Variants in SASH1 observed in about 807,000 individuals in gnomAD.
SASH1 encodes the protein SAM and SH3 domain-containing protein 1.
A neutral mutation model predicts 125.2 loss-of-function variants in SASH1; 44 were observed. The ratio of observed to expected loss-of-function variants is 0.35; its 90% CI spans 0.28 to 0.45. The LOEUF (loss-of-function observed/expected upper bound fraction) is 0.45, where lower values mean the gene tolerates loss of function less well. Ranked by LOEUF, SASH1 falls within the 20% of genes least tolerant of loss-of-function variation. SASH1 has a pLI of 1.00. For missense variants in SASH1, 1,426 were observed against 1,614.5 expected, an observed-to-expected ratio of 0.88 and a Z score of 2.00; for synonymous variants, 639 against 649.1, an observed-to-expected ratio of 0.98 and a Z score of 0.24.
chr6:148,250,111 C>T, the SASH1 span, among the ~76,000 whole-genome samples: 1 of 152,142 alleles, frequency 6.6e-6, no homozygotes, highest in Non-Finnish European at 1.5e-5. Flanking sequence ...CTTAGCATTG[C>T]CAGTCACTTA....
intron 4 of SASH1, among the ~76,000 whole-genome samples, chr6:148,460,089 C>T (rs950187600): frequency 2.0e-5 from 3 of 152,158 alleles, no homozygotes; most frequent in African/African-American, 7.2e-5. Context: ...TGATTTGCAG[C>T]AGGAAAGATA....
intron 1 of SASH1, among the ~76,000 whole-genome samples, chr6:148,363,399 C>A (rs1410940688): frequency 1.3e-5 from 2 of 151,970 alleles, no homozygotes; most frequent in African/African-American, 4.8e-5. Flanking sequence ...GCCTGGGCCT[C>A]CCAACACTTC....
chr6:148,443,914 C>T (rs1311902341), intron 4 of SASH1, among the ~76,000 whole-genome samples: 2 of 152,200 alleles, frequency 1.3e-5, no homozygotes, highest in Non-Finnish European at 2.9e-5. Flanking sequence ...CCTGGCGAAC[C>T]AGTTGGCTGT....
intron 1 of SASH1, among the ~76,000 whole-genome samples, chr6:148,349,589 G>C (rs187082921): frequency 6.6e-6 from 1 of 152,050 alleles, no homozygotes; most frequent in Non-Finnish European, 1.5e-5. Flanking sequence ...TTTTGTAGGC[G>C]ATGGGGTGGC....
chr6:148,433,604 G>T lies in SASH1; in HGVS notation c.286-6580G>T, dbSNP rs181394534. 6.0e-4 allele frequency among the ~76,000 whole-genome samples: 91 copies of T among 151,796 alleles called. No individual in the cohort carries two copies. In the East Asian group the frequency reaches 0.014, roughly 23 times the overall value. The stretch of plus-strand genomic sequence containing the variant: ...TATTTTCAGTAGAGACAGGGTTTCA[G>T]TATGTTGGCCAGGCTGGTCTTGAAC... On this transcript the variant is annotated intron_variant, in intron 2 of 19. Transcript: ENST00000367467.
intron 2 of SASH1, chr6:148,393,709 G>T (rs933355292): frequency 1.1e-5 from 11 of 985,384 alleles, no homozygotes; most frequent in Non-Finnish European, 1.2e-5. Context: ...GCAGAAGACA[G>T]TCTGGGGGGA....
chr6:148,332,092 C>T (rs1475933202), intron 1 of SASH1, among the ~76,000 whole-genome samples: 1 of 152,128 alleles, frequency 6.6e-6, no homozygotes. Context: ...CTTTAGTTTG[C>T]TCTTAGCTCT....
At chr6:148,417,212 C>T (rs2114928710) in intron 2 of SASH1, among the ~76,000 whole-genome samples, 2 of 152,252 alleles carry the variant, frequency 1.3e-5, no homozygotes, top group South Asian at 4.1e-4. Context: ...AGGGCAGAGA[C>T]TCAGGAAGCT....
At chr6:148,205,265 T>C in the SASH1 span, among the ~76,000 whole-genome samples, 1 of 152,208 alleles carries the variant, frequency 6.6e-6, no homozygotes, top group Non-Finnish European at 1.5e-5. Flanking sequence ...CGACTTGAAA[T>C]GGTTCTTATA....
At chr6:148,337,139 A>G (rs1026463414) in intron 1 of SASH1, among the ~76,000 whole-genome samples, 1 of 151,626 alleles carries the variant, frequency 6.6e-6, no homozygotes, top group Non-Finnish European at 1.5e-5. Flanking sequence ...GCTCACTGCA[A>G]CCTCCGCCTC....
intron 1 of SASH1, among the ~76,000 whole-genome samples, chr6:148,314,125 A>G (rs1273912331): frequency 1.3e-5 from 2 of 152,188 alleles, no homozygotes; most frequent in Admixed American, 6.6e-5. Context: ...CTTACCAGGT[A>G]TTCTAATCAG....
At chr6:148,432,384 A>G (rs2473552) in intron 2 of SASH1, among the ~76,000 whole-genome samples, 66,035 of 152,126 alleles carry the variant, frequency 0.43, 14,568 homozygotes, top group South Asian at 0.66. Flanking sequence ...TAGTTTGCCA[A>G]CTGGGAGATA....
At chr6:148,286,204 G>C (rs1012658887) in intron 1 of SASH1, among the ~76,000 whole-genome samples, 5 of 151,262 alleles carry the variant, frequency 3.3e-5, no homozygotes, top group African/African-American at 1.2e-4. Flanking sequence ...CAACATAAAA[G>C]ACTTTGTCTC....
chr6:148,546,528 G>A (rs532218603), intron 19 of SASH1, among the ~76,000 whole-genome samples: 7 of 152,250 alleles, frequency 4.6e-5, no homozygotes, highest in African/African-American at 1.7e-4. Flanking sequence ...AAATCCGTCT[G>A]AATGACACAG....
chr6:148,264,927 G>C, the SASH1 span, among the ~76,000 whole-genome samples: 1 of 152,198 alleles, frequency 6.6e-6, no homozygotes, highest in Non-Finnish European at 1.5e-5. Flanking sequence ...CATGAAAGTA[G>C]GGGCCTTGGC....
At chr6:148,239,615 G>A in the SASH1 span, among the ~76,000 whole-genome samples, 9 of 151,960 alleles carry the variant, frequency 5.9e-5, no homozygotes, top group Non-Finnish European at 1.3e-4. Flanking sequence ...ATCACTGTGC[G>A]CGAATCATTG....
At chr6:148,347,990 AT>A (rs1781574643) in intron 1 of SASH1, among the ~76,000 whole-genome samples, 1 of 152,052 alleles carries the variant, frequency 6.6e-6, no homozygotes, top group Admixed American at 6.6e-5. Flanking sequence ...GGCTTTCATA[AT>A]TTTATTTATT....
At chr6:148,255,233 A>C in the SASH1 span, among the ~76,000 whole-genome samples, 1 of 152,146 alleles carries the variant, frequency 6.6e-6, no homozygotes, top group Non-Finnish European at 1.5e-5. Context: ...GAAGTCCAAG[A>C]CCAAGGTGTT....
the SASH1 span, among the ~76,000 whole-genome samples, chr6:148,194,644 G>A: frequency 5.3e-4 from 81 of 152,210 alleles, 1 homozygote; most frequent in Non-Finnish European, 8.7e-4. Context: ...GCGGTGGCTC[G>A]TGCCTGTAAT....
Sources: gnomAD v4.1 joint callset for allele counts (sites outside exome capture counted in the v4.1 genomes callset) on GRCh38, gnomAD v4.1.1 for gene constraint, MANE v1.5 for transcripts, NCBI Gene and HGNC (gene_info 2026-07-23, HGNC 2026-07-21) for gene names.